MYO16: variants seen among roughly 807,000 people sequenced by gnomAD.
MYO16 encodes unconventional myosin-XVI.
Under a neutral mutation model 205.3 loss-of-function variants are expected in MYO16, and 94 were observed. The ratio of observed to expected loss-of-function variants is 0.46; its 90% CI spans 0.39 to 0.54. MYO16 has a LOEUF of 0.54. Among genes scored for constraint, MYO16 ranks in the 20% least tolerant of loss-of-function variants. MYO16 has a pLI of 0.00. For missense variants in MYO16, 2,315 were observed against 2,387.5 expected, an observed-to-expected ratio of 0.97 and a Z score of 0.63; for synonymous variants, 988 against 954.0, an observed-to-expected ratio of 1.04 and a Z score of -0.66.
chr13:108,812,690 T>A (rs779298269), intron 7 of MYO16, among the ~76,000 whole-genome samples: 9 of 152,190 alleles, frequency 5.9e-5, no homozygotes, highest in Non-Finnish European at 1.3e-4. Context: ...AATTTGTGTG[T>A]TTCAAAATTA....
chr13:108,736,212 C>A (rs1431597443), intron 4 of MYO16, among the ~76,000 whole-genome samples: 5 of 152,120 alleles, frequency 3.3e-5, no homozygotes, highest in Non-Finnish European at 5.9e-5. Context: ...TACATGAAGT[C>A]CTTGCCCATG....
chr13:108,518,525 GT>G, the MYO16 span, among the ~76,000 whole-genome samples: 741 of 152,196 alleles, frequency 4.9e-3, 7 homozygotes, highest in African/African-American at 0.016. Flanking sequence ...AAAATCCTGG[GT>G]AACCTTTAAA....
In MYO16 at chr13:108,701,582, A is replaced by G. The variant is rs368065065; in HGVS notation, c.293-11079A>G. Among the ~76,000 whole-genome samples, 329 of 152,346 alleles carry G rather than the reference A, an allele frequency of 2.2e-3. 12 individuals carry two copies. In the South Asian group the frequency reaches 0.065, roughly 30 times the overall value. ...AATAAACTACCATTTTTAAAAATAAATTAACCAGTCTGTGCATTCTGTTAT... is the reference window on the plus strand; with the variant it reads ...AATAAACTACCATTTTTAAAAATAAGTTAACCAGTCTGTGCATTCTGTTAT... On this transcript the variant is annotated intron_variant, in intron 2 of 34. Transcript: ENST00000457511.
At chr13:108,657,750 T>C (rs767232000) in intron 1 of MYO16, among the ~76,000 whole-genome samples, 8 of 152,208 alleles carry the variant, frequency 5.3e-5, no homozygotes, top group Non-Finnish European at 7.3e-5. Context: ...GGTTTCTCTA[T>C]GTAGCTAACA....
chr13:108,916,962 A>G (rs1003123439), intron 16 of MYO16, among the ~76,000 whole-genome samples: 2 of 152,276 alleles, frequency 1.3e-5, no homozygotes, highest in East Asian at 1.9e-4. Flanking sequence ...AAAAAGAAAA[A>G]GGGGGAGTGT....
intron 27 of MYO16, among the ~76,000 whole-genome samples, chr13:109,065,239 C>T (rs147492100): frequency 2.0e-5 from 3 of 152,290 alleles, no homozygotes; most frequent in Non-Finnish European, 4.4e-5. Flanking sequence ...CAGCATCACT[C>T]TCGCTGTATT....
chr13:108,833,369 T>G lies in MYO16; in HGVS notation c.1097+10091T>G, dbSNP rs117428444. Among the ~76,000 whole-genome samples the G allele has an allele frequency of 3.0e-3, 463 of 152,276 alleles. 3 individuals are homozygous for G. Among genetic ancestry groups the G allele is most frequent in the South Asian group, 0.024 (116 of 4,832 alleles). On this transcript the variant is annotated intron_variant, in intron 9 of 34. Coordinates refer to ENST00000457511, the MANE Select transcript of MYO16 (RefSeq NM_001198950.3). ...TATTAATATTTGGATCTTTATCTTA[T>G]TTTATAGAAGCAGAAAAAAAACAAA...
intron 4 of MYO16, among the ~76,000 whole-genome samples, chr13:108,757,286 G>A (rs954750557): frequency 6.6e-6 from 1 of 152,152 alleles, no homozygotes; most frequent in Non-Finnish European, 1.5e-5. Context: ...AATTCACCAT[G>A]AGAGGAGCGC....
chr13:109,046,688 A>G (rs563343010), intron 23 of MYO16, among the ~76,000 whole-genome samples: 1 of 152,218 alleles, frequency 6.6e-6, no homozygotes, highest in Non-Finnish European at 1.5e-5. Flanking sequence ...TGGCAATCAA[A>G]GGAGACCTTC....
intron 2 of MYO16, among the ~76,000 whole-genome samples, chr13:108,669,956 G>A (rs7335746): frequency 0.014 from 2,107 of 152,220 alleles, 42 homozygotes; most frequent in African/African-American, 0.045. Flanking sequence ...AGAGCATTAG[G>A]ACAAACACCT....
chr13:108,774,877 T>A (rs1187313192), intron 4 of MYO16, among the ~76,000 whole-genome samples: 6 of 152,340 alleles, frequency 3.9e-5, no homozygotes, highest in South Asian at 2.1e-4. Context: ...ATTCTCACTT[T>A]CAGTATCCTT....
At chr13:108,990,147 TACACACACACACAC>T (rs56975148) in intron 20 of MYO16, among the ~76,000 whole-genome samples, 15,831 of 148,472 alleles carry the variant, frequency 0.11, 894 homozygotes, top group African/African-American at 0.12. Context: ...ACACAGACAA[TACACACACACACAC>T]ACACACACAC....
At chr13:108,905,945 C>T (rs1261456739) in intron 15 of MYO16, among the ~76,000 whole-genome samples, 2 of 152,126 alleles carry the variant, frequency 1.3e-5, no homozygotes, top group African/African-American at 2.4e-5. Context: ...CTCTGATTTC[C>T]CTCTGTAGTC....
chr13:109,001,660 T>C (rs1448146235), intron 21 of MYO16, among the ~76,000 whole-genome samples: 1 of 152,206 alleles, frequency 6.6e-6, no homozygotes, highest in Non-Finnish European at 1.5e-5. Flanking sequence ...AAATCAGGGA[T>C]AACTGATTTG....
At chr13:108,516,260 T>A in the MYO16 span, among the ~76,000 whole-genome samples, 1 of 151,442 alleles carries the variant, frequency 6.6e-6, no homozygotes, top group Non-Finnish European at 1.5e-5. Context: ...CGTCACCCCT[T>A]TCTTTGACTC....
chr13:108,963,785 C>A (rs181193180), intron 19 of MYO16, among the ~76,000 whole-genome samples: 2 of 152,248 alleles, frequency 1.3e-5, no homozygotes, highest in East Asian at 3.9e-4. Context: ...CTATGATTTC[C>A]TCTGCTTACA....
intron 1 of MYO16, among the ~76,000 whole-genome samples, chr13:108,636,083 T>C (rs950268112): frequency 6.6e-6 from 1 of 152,114 alleles, no homozygotes. Flanking sequence ...CAATACCTAC[T>C]GAATTGAAAT....
At chr13:109,074,899 C>T (rs950874316) in intron 27 of MYO16, among the ~76,000 whole-genome samples, 1 of 152,218 alleles carries the variant, frequency 6.6e-6, no homozygotes, top group Non-Finnish European at 1.5e-5. Context: ...TGGGTGGGAG[C>T]ACAGAGCCAA....
chr13:108,795,450 C>T (rs13313347), intron 6 of MYO16, among the ~76,000 whole-genome samples: 3,767 of 152,174 alleles, frequency 0.025, 158 homozygotes, highest in African/African-American at 0.086. Flanking sequence ...CCTCGTGATC[C>T]GCCCGCCTTG....
Sources: allele counts gnomAD v4.1 joint callset (sites outside exome capture counted in the v4.1 genomes callset), GRCh38; gene constraint gnomAD v4.1.1; transcripts MANE v1.5; gene names NCBI Gene and HGNC (gene_info 2026-07-23, HGNC 2026-07-21).